TWIST1: variants seen among roughly 807,000 people sequenced by gnomAD.
TWIST1 encodes the protein twist family bHLH transcription factor 1.
Under a neutral mutation model 12.9 loss-of-function variants are expected in TWIST1, and 8 were observed. The observed-to-expected ratio is 0.62, with a 90% CI of 0.37 to 1.12. The LOEUF (loss-of-function observed/expected upper bound fraction) is 1.12, where lower values mean the gene tolerates loss of function less well. Among genes scored for constraint, TWIST1 ranks in the 50% most tolerant of loss-of-function variants. The pLI, the probability that TWIST1 is intolerant of heterozygous loss-of-function variation, is 0.02. For synonymous variants in TWIST1, 169 were observed against 138.7 expected, an observed-to-expected ratio of 1.22 and a Z score of -1.54; for missense variants, 268 against 299.7, an observed-to-expected ratio of 0.89 and a Z score of 0.78.
intron 1 of TWIST1, among the ~76,000 whole-genome samples, chr7:19,116,363 A>C (rs1788565572): frequency 6.6e-6 from 1 of 152,206 alleles, no homozygotes; most frequent in African/African-American, 2.4e-5. Flanking sequence ...AGCCGAAAGA[A>C]AGGGTGGCGC....
rs1334457960 is a variant in TWIST1, at chr7:19,117,025, ACTCCCGCCGCCGCTGCTG to A, written c.279_296del (p.Ser94_Ser99del). ...TCTGCAGCTCCTCGTAAGACTGCGG[ACTCCCGCCGCCGCTGCTG>A]CTGCCGCCGCCGCCGCCCGCGCCGC... On this transcript the variant is annotated inframe_deletion, in exon 1 of 2. Coordinates refer to ENST00000242261, the MANE Select transcript of TWIST1 (RefSeq NM_000474.4). 6 of 1,511,458 alleles carry A rather than the reference ACTCCCGCCGCCGCTGCTG, an allele frequency of 4.0e-6. No individual in the cohort carries two copies. The highest frequency in any genetic ancestry group is 2.6e-5 in the East Asian group (1 of 37,872). 93.6% of individuals were successfully genotyped at this position (1,511,458 alleles called of 1,614,324 possible).
Position 19,117,033 on chromosome 7 carries a change from C to CGCCGCTGCTGCT in TWIST1, c.277_288dup (p.Ser93_Gly96dup), listed in dbSNP as rs1286775912. 10 of 1,488,730 alleles carry CGCCGCTGCTGCT rather than the reference C, an allele frequency of 6.7e-6. No individual in the cohort carries two copies. The highest frequency in any genetic ancestry group is 8.0e-6 in the Non-Finnish European group (9 of 1,130,854). 92.2% of individuals were successfully genotyped at this position (1,488,730 alleles called of 1,614,324 possible). ...TCCTCGTAAGACTGCGGACTCCCGC[C>CGCCGCTGCTGCT]GCCGCTGCTGCTGCCGCCGCCGCCG... On this transcript the variant is annotated inframe_insertion, in exon 1 of 2. Coordinates refer to ENST00000242261, the MANE Select transcript of TWIST1 (RefSeq NM_000474.4).
rs969538818 is a variant in TWIST1 at position 19,117,163 on chromosome 7, G to A, written c.159C>T (p.Gly53=). Residue 53 remains glycine, a synonymous_variant, in exon 1 of 2, where the codon GGC becomes GGT. Coordinates refer to ENST00000242261, the MANE Select transcript of TWIST1 (RefSeq NM_000474.4). The part of the protein sequence containing the change: ...RRSAGGGAGP[G]GAAGGGVGGG... ...CTCCGACGCCCCCACCCGCGGCTCCGCCGGGCCCCGCGCCGCCGCCCGCGC... is the reference window on the plus strand; with the variant it reads ...CTCCGACGCCCCCACCCGCGGCTCCACCGGGCCCCGCGCCGCCGCCCGCGC... The A allele has an allele frequency of 9.2e-6, 10 of 1,089,750 alleles. No individual in the cohort carries two copies. The highest frequency in any genetic ancestry group is 1.1e-5 in the Non-Finnish European group (10 of 900,324). 67.5% of individuals were successfully genotyped at this position (1,089,750 alleles called of 1,614,324 possible). A position where few individuals can be genotyped will look rare whatever the true frequency, so the allele number is the denominator to read the frequency against.
Position 19,116,132 on chromosome 7 carries a change from CT to C in TWIST1, c.*43-2del, listed in dbSNP as rs1051574370. The C allele has an allele frequency of 8.2e-6, 1 of 122,534 alleles. No individual in the cohort carries two copies. The highest frequency in any genetic ancestry group is 3.2e-5 in the African/African-American group (1 of 30,968). 7.6% of individuals were successfully genotyped at this position (122,534 alleles called of 1,614,324 possible). ...TCTCCTTCTCTGGAAACAATGACAT[CT>C]GCAAAAACCCAGAGGGGGGGGGGGG... On this transcript the variant is annotated splice_acceptor_variant, in intron 1 of 1. Transcript: ENST00000242261. LOFTEE classifies it low-confidence loss of function (3UTR_SPLICE).
chr7:19,113,830 T>A (rs1296017753), downstream of TWIST1: 1 of 152,210 alleles, frequency 6.6e-6, no homozygotes, highest in Non-Finnish European at 1.5e-5. Context: ...GAGCTACCTT[T>A]CTTTGACACA....
downstream of TWIST1, chr7:19,114,041 C>G (rs1395796641): frequency 6.6e-6 from 1 of 151,856 alleles, no homozygotes; most frequent in Non-Finnish European, 1.5e-5. Context: ...TAATGCTTTC[C>G]CTCATCCTCC....
rs1788590504 is a variant in TWIST1, at chr7:19,117,149, C to T, written c.173G>A (p.Gly58Glu). 3 of 1,089,010 alleles carry T rather than the reference C, an allele frequency of 2.8e-6. No homozygotes were observed. Among genetic ancestry groups the T allele is most frequent in the South Asian group, 4.3e-5 (1 of 23,044 alleles). The allele number at this position is 1,089,010 out of a possible 1,614,324, so 67.5% of individuals were successfully genotyped here. A position where few individuals can be genotyped will look rare whatever the true frequency, so the allele number is the denominator to read the frequency against. Residue 58 changes from glycine (G) to glutamate (E), a missense_variant, in exon 1 of 2, where the codon GGG becomes GAG. Gly to Glu is a moderately conservative substitution (Grantham distance 98). Coordinates refer to ENST00000242261, the MANE Select transcript of TWIST1 (RefSeq NM_000474.4). ...CGGCTCGTCGCCGCCTCCGACGCCC[C>T]CACCCGCGGCTCCGCCGGGCCCCGC... ...GGAGPGGAAG[G>E]GVGGGDEPGS... is the part of the protein sequence containing the mutation.
In TWIST1 at chr7:19,116,086, G is replaced by A. The variant is rs1788558636; in HGVS notation, c.*88C>T. ...TTTTATTTTTAGTTATCCAGCTCCA[G>A]AGTCTCTAGACTGTCCATTTTCTCC... On this transcript the variant is annotated 3_prime_UTR_variant, in exon 2 of 2. Coordinates refer to ENST00000242261, the MANE Select transcript of TWIST1 (RefSeq NM_000474.4). 1 of 147,074 alleles carries A rather than the reference G, an allele frequency of 6.8e-6. No homozygotes were observed. Among genetic ancestry groups the A allele is most frequent in the Non-Finnish European group, 1.5e-5 (1 of 66,526 alleles). 9.1% of individuals were successfully genotyped at this position (147,074 alleles called of 1,614,324 possible).
downstream of TWIST1, chr7:19,113,427 G>A (rs1156570489): frequency 6.6e-6 from 1 of 152,172 alleles, no homozygotes; most frequent in Non-Finnish European, 1.5e-5. Flanking sequence ...TTAAATAAGG[G>A]TAGGTAGCAA....
intron 1 of TWIST1, among the ~76,000 whole-genome samples, 168 bp from the exon 2 acceptor site, chr7:19,116,299 G>A (rs1050269625): frequency 2.0e-5 from 3 of 152,180 alleles, no homozygotes; most frequent in African/African-American, 7.2e-5. Context: ...GTGGAAAGGA[G>A]GAGGAGGTGG....
chr7:19,117,040 G>A lies in TWIST1; in HGVS notation c.282C>T (p.Ser94=). ...AAGACTGCGGACTCCCGCCGCCGCTGCTGCTGCCGCCGCCGCCGCCCGCGC... is the reference window on the plus strand; with the variant it reads ...AAGACTGCGGACTCCCGCCGCCGCTACTGCTGCCGCCGCCGCCGCCCGCGC... ...GGGAGGGGGS[S]SGGGSPQSYE... The change falls in exon 1 of 2, where the codon AGC becomes AGT. Residue 94 remains serine (S), a synonymous_variant. Coordinates refer to ENST00000242261, the MANE Select transcript of TWIST1 (RefSeq NM_000474.4). 6.9e-7 allele frequency: 1 copy of A among 1,458,690 alleles called. No individual in the cohort carries two copies. The highest frequency in any genetic ancestry group is 8.9e-7 in the Non-Finnish European group (1 of 1,117,390). The allele number at this position is 1,458,690 out of a possible 1,614,324, so 90.4% of individuals were successfully genotyped here.
chr7:19,116,666 C>T lies in TWIST1; in HGVS notation c.*42+5G>A. On this transcript the variant is annotated splice_donor_5th_base_variant and intron_variant, in intron 1 of 1. Coordinates refer to ENST00000242261, the MANE Select transcript of TWIST1 (RefSeq NM_000474.4). The stretch of plus-strand genomic sequence containing the variant: ...GGCGAAGGGGTGCAGCGGCGCGGTC[C>T]TTACCTAGGTCTCCGGCCCTGCTGA... 1 of 1,556,524 alleles carries T rather than the reference C, an allele frequency of 6.4e-7. No homozygotes were observed. Among genetic ancestry groups the T allele is most frequent in the Non-Finnish European group, 8.7e-7 (1 of 1,153,036 alleles).
chr7:19,117,062 G>GCGC lies in TWIST1; in HGVS notation c.257_259dup (p.Gly86dup), dbSNP rs754552080. 1,402 of 1,401,364 alleles carry GCGC rather than the reference G, an allele frequency of 1.0e-3. 2 individuals carry two copies. Among genetic ancestry groups the GCGC allele is most frequent in the Non-Finnish European group, 1.2e-3 (1,311 of 1,087,888 alleles). The allele number at this position is 1,401,364 out of a possible 1,614,324, so 86.8% of individuals were successfully genotyped here. On this transcript the variant is annotated inframe_insertion, in exon 1 of 2. Coordinates refer to ENST00000242261, the MANE Select transcript of TWIST1 (RefSeq NM_000474.4). Reference sequence around the variant, plus strand: ...GCTGCTGCTGCCGCCGCCGCCGCCCGCGCCGCCGCCGCCGCCACAGCCCGC... The same window carrying GCGC: ...GCTGCTGCTGCCGCCGCCGCCGCCCGCGCCGCCGCCGCCGCCGCCACAGCCCGC...
chr7:19,117,027 T>C lies in TWIST1; in HGVS notation c.295A>G (p.Ser99Gly), dbSNP rs1427332350. Residue 99 changes from serine (S) to glycine (G), a missense_variant, in exon 1 of 2, where the codon AGT (serine) becomes GGT (glycine). Physicochemically the swap from Ser to Gly is moderately conservative, Grantham distance 56. Coordinates refer to ENST00000242261, the MANE Select transcript of TWIST1 (RefSeq NM_000474.4). ...GGGGSSSGGG[S>G]PQSYEELQTQ... ...TGCAGCTCCTCGTAAGACTGCGGAC[T>C]CCCGCCGCCGCTGCTGCTGCCGCCG... is the stretch of plus-strand genomic sequence containing the variant. 3 of 1,500,276 alleles carry C rather than the reference T, an allele frequency of 2.0e-6. No homozygotes were observed. In the African/African-American group the frequency reaches 4.4e-5, roughly 22 times the overall value. 92.9% of individuals were successfully genotyped at this position (1,500,276 alleles called of 1,614,324 possible). A position where few individuals can be genotyped will look rare whatever the true frequency, so the allele number is the denominator to read the frequency against.
Position 19,117,127 on chromosome 7 carries a change from C to T in TWIST1, c.195G>A (p.Glu65=), listed in dbSNP as rs1788589968. The T allele has an allele frequency of 1.8e-6, 2 of 1,131,498 alleles. No homozygotes were observed. The highest frequency in any genetic ancestry group is 4.9e-5 in the Admixed American group (1 of 20,290). 70.1% of individuals were successfully genotyped at this position (1,131,498 alleles called of 1,614,324 possible). A position where few individuals can be genotyped will look rare whatever the true frequency, so the allele number is the denominator to read the frequency against. Reference sequence around the variant, plus strand: ...GCTTGCCCTGGGCCGGGCTGCCCGGCTCGTCGCCGCCTCCGACGCCCCCAC... The same window carrying T: ...GCTTGCCCTGGGCCGGGCTGCCCGGTTCGTCGCCGCCTCCGACGCCCCCAC... ...AAGGGVGGGD[E]PGSPAQGKRG... The change falls in exon 1 of 2, where the codon GAG becomes GAA. Residue 65 remains glutamate (E), a synonymous_variant. Coordinates refer to ENST00000242261, the MANE Select transcript of TWIST1 (RefSeq NM_000474.4).
Position 19,116,842 on chromosome 7 carries a change from G to A in TWIST1, c.480C>T (p.Tyr160=), listed in dbSNP as rs1461387469. 7 of 1,614,128 alleles carry A rather than the reference G, an allele frequency of 4.3e-6. No individual in the cohort carries two copies. The highest frequency in any genetic ancestry group is 5.1e-6 in the Non-Finnish European group (6 of 1,180,002). The change falls in exon 1 of 2, where the codon TAC becomes TAT. Residue 160 remains tyrosine, a synonymous_variant. Transcript: ENST00000242261. ...KLAARYIDFL[Y]QVLQSDELDS... The stretch of plus-strand genomic sequence containing the variant: ...CCAGCTCGTCGCTCTGGAGGACCTG[G>A]TAGAGGAAGTCGATGTACCTGGCCG...
In TWIST1 at chr7:19,116,773, G is replaced by A. The variant is rs1306750843; in HGVS notation, c.549C>T (p.Leu183=). The A allele has an allele frequency of 1.2e-6, 2 of 1,613,798 alleles. No homozygotes were observed. Among genetic ancestry groups the A allele is most frequent in the African/African-American group, 1.3e-5 (1 of 75,052 alleles). ...TCCTCCAGACCGAGAAGGCGTAGCT[G>A]AGCCGCTCGTGAGCCACATAGCTGC... ...ASCSYVAHER[L]SYAFSVWRME... is the part of the protein sequence containing the mutation. The change falls in exon 1 of 2, where the codon CTC becomes CTT. Residue 183 remains leucine, a synonymous_variant. Transcript: ENST00000242261.
rs1432858356 is a variant in TWIST1, at chr7:19,117,360, AGAG to A, written c.-42_-40del. The A allele has an allele frequency of 5.7e-6, 8 of 1,398,190 alleles. No individual in the cohort carries two copies. Among genetic ancestry groups the A allele is most frequent in the Middle Eastern group, 2.6e-4 (1 of 3,854 alleles). 86.6% of individuals were successfully genotyped at this position (1,398,190 alleles called of 1,614,324 possible). A position where few individuals can be genotyped will look rare whatever the true frequency, so the allele number is the denominator to read the frequency against. ...ACGCGTGGCCTCGCGGGCCCGGGGCAGAGGAGAAGAGCGGGGCGCCTCAGCCCG... is the reference window on the plus strand; with the variant it reads ...ACGCGTGGCCTCGCGGGCCCGGGGCAGAGAAGAGCGGGGCGCCTCAGCCCG... On this transcript the variant is annotated 5_prime_UTR_variant, in exon 1 of 2. Transcript: ENST00000242261.
chr7:19,117,147 C>T lies in TWIST1; in HGVS notation c.175G>A (p.Gly59Ser). 4 of 1,087,542 alleles carry T rather than the reference C, an allele frequency of 3.7e-6. No individual in the cohort carries two copies. The highest frequency in any genetic ancestry group is 4.5e-6 in the Non-Finnish European group (4 of 896,672). 67.4% of individuals were successfully genotyped at this position (1,087,542 alleles called of 1,614,324 possible). ...GAGPGGAAGG[G>S]VGGGDEPGSP... ...CCCGGCTCGTCGCCGCCTCCGACGC[C>T]CCCACCCGCGGCTCCGCCGGGCCCC... is the stretch of plus-strand genomic sequence containing the variant. Residue 59 changes from glycine (G) to serine (S), a missense_variant, in exon 1 of 2, where the codon GGC (glycine) becomes AGC (serine). Physicochemically the swap from Gly to Ser is moderately conservative, Grantham distance 56. Coordinates refer to ENST00000242261, the MANE Select transcript of TWIST1 (RefSeq NM_000474.4).
Sources: allele counts gnomAD v4.1 joint callset (sites outside exome capture counted in the v4.1 genomes callset), GRCh38; gene constraint gnomAD v4.1.1; transcripts MANE v1.5; gene names NCBI Gene and HGNC (gene_info 2026-07-23, HGNC 2026-07-21).